BRIP1: variants seen among roughly 807,000 people sequenced by gnomAD.
BRIP1 encodes BRCA1 interacting DNA helicase 1.
A neutral mutation model predicts 119.7 loss-of-function variants in BRIP1; 88 were observed. The observed-to-expected ratio is 0.74, with a 90% CI of 0.62 to 0.88. The LOEUF is 0.88. Ranked by LOEUF, BRIP1 falls within the 40% of genes least tolerant of loss-of-function variation. The probability of loss-of-function intolerance (pLI) is 0.00; values close to 1 mark genes in which losing one functional copy is unlikely to be tolerated. For synonymous variants in BRIP1, 443 were observed against 496.5 expected, an observed-to-expected ratio of 0.89 and a Z score of 1.43; for missense variants, 1,259 against 1,455.4, an observed-to-expected ratio of 0.87 and a Z score of 2.20.
In BRIP1 at chr17:61,680,560, A is replaced by G. The variant is rs1356691106; in HGVS notation, c.*2736T>C. On this transcript the variant is annotated 3_prime_UTR_variant, in exon 20 of 20. Transcript: ENST00000259008. ...AGTGGCGCAATCTCGGCTCACTGCA[A>G]GCTCCACCTCCCGGGTTCACGCCAT... is the stretch of plus-strand genomic sequence containing the variant. Among the ~76,000 whole-genome samples, 1 of 143,890 alleles carries G rather than the reference A, an allele frequency of 6.9e-6. No individual in the cohort carries two copies. 94.4% of individuals were successfully genotyped at this position (143,890 alleles called of 152,430 possible). A position where few individuals can be genotyped will look rare whatever the true frequency, so the allele number is the denominator to read the frequency against.
In BRIP1 at chr17:61,859,898, C is replaced by A. The variant is rs373104267; in HGVS notation, c.103G>T (p.Gly35Ter). The A allele has an allele frequency of 6.2e-7, 1 of 1,605,764 alleles. No individual in the cohort carries two copies. Among genetic ancestry groups the A allele is most frequent in the Non-Finnish European group, 8.5e-7 (1 of 1,172,508 alleles). The change falls in exon 3 of 20, where the codon GGA becomes TGA. Residue 35 changes from glycine (G) to a stop codon, truncating the protein, a stop_gained. Transcript: ENST00000259008. LOFTEE classifies it high-confidence loss of function. ...AAACAATGTTGCTTGCTGTTTAATC[C>A]TCTGAGAATCTATGAACACAGAAAC... ...QLAMMNSILR[G>*]LNSKQHCLLE...
At chr17:61,727,779 TC>T (rs2076786658) in intron 16 of BRIP1, among the ~76,000 whole-genome samples, 1 of 147,056 alleles carries the variant, frequency 6.8e-6, no homozygotes, top group Admixed American at 6.8e-5. Flanking sequence ...TGTCTCTCTC[TC>T]TCTCTCTCTC....
At position 61,683,773 on chromosome 17, in the gene BRIP1, A is replaced by C. The variant is rs1281827397; in HGVS notation, c.3273T>G (p.His1091Gln). 6.2e-7 allele frequency: 1 copy of C among 1,614,084 alleles called. No individual in the cohort carries two copies. Among genetic ancestry groups the C allele is most frequent in the African/African-American group, 1.3e-5 (1 of 74,940 alleles). Residue 1091 changes from histidine to glutamine, a missense_variant, in exon 20 of 20, where the codon CAT (histidine) becomes CAG (glutamine). This residue lies in a region of BRIP1 where 753 missense variants were observed against 891.8 expected (regional missense o/e 0.84). Transcript: ENST00000259008. The surrounding 1 kb of genome is among the most constrained non-coding windows in gnomAD (Gnocchi z 4.7). ...ATLTRKNHSE[H>Q]PLCSEEALDP... Reference sequence around the variant, plus strand: ...CCAGGGCTTCTTCAGAACAGAGCGGATGTTCAGAATGATTTTTTCTAGTAA... The same window carrying C: ...CCAGGGCTTCTTCAGAACAGAGCGGCTGTTCAGAATGATTTTTTCTAGTAA...
At position 61,780,410 on chromosome 17, in the gene BRIP1, A is replaced by C. The variant is rs777006706; in HGVS notation, c.1795-9T>G. 24 of 1,602,960 alleles carry C rather than the reference A, an allele frequency of 1.5e-5. No homozygotes were observed. The highest frequency in any genetic ancestry group is 2.0e-5 in the Non-Finnish European group (23 of 1,170,080). On this transcript the variant is annotated splice_polypyrimidine_tract_variant and intron_variant, in intron 12 of 19. Coordinates refer to ENST00000259008, the MANE Select transcript of BRIP1 (RefSeq NM_032043.3). The surrounding 1 kb of genome is among the most constrained non-coding windows in gnomAD (Gnocchi z 5.4). ...TTAATATCTGAAAAGGCCTAAAAGAAAACAACATTAGATAAATAAAATTAT... is the reference window on the plus strand; with the variant it reads ...TTAATATCTGAAAAGGCCTAAAAGACAACAACATTAGATAAATAAAATTAT...
intron 16 of BRIP1, among the ~76,000 whole-genome samples, chr17:61,721,992 G>C (rs2061986981): frequency 1.3e-5 from 2 of 150,854 alleles, no homozygotes; most frequent in South Asian, 4.2e-4. Flanking sequence ...ACCTCCCAAA[G>C]TGCTGGGATT....
intron 17 of BRIP1, among the ~76,000 whole-genome samples, chr17:61,694,397 A>G (rs1032405527): frequency 1.3e-5 from 2 of 152,008 alleles, no homozygotes; most frequent in African/African-American, 4.8e-5. Context: ...TTCAAGATTC[A>G]CTCATATTGT....
At chr17:61,784,870 T>C (rs1036306953) in intron 10 of BRIP1, among the ~76,000 whole-genome samples, 1 of 152,208 alleles carries the variant, frequency 6.6e-6, no homozygotes, top group Non-Finnish European at 1.5e-5. Flanking sequence ...CCATGCTTCG[T>C]ACAAGCTGCA....
rs1006619365 is a variant in BRIP1, at chr17:61,752,807, CTTAAAA to C, written c.2098-8222_2098-8217del. On this transcript the variant is annotated intron_variant, in intron 14 of 19. Coordinates refer to ENST00000259008, the MANE Select transcript of BRIP1 (RefSeq NM_032043.3). This position sits in a 1 kb window ranked among gnomAD's most constrained non-coding sequence, Gnocchi z 6.2. ...GAAAAGTGAACAGATTATAAAAATA[CTTAAAA>C]TTAAAATGAGTAAGATATGGTGTTG... Among the ~76,000 whole-genome samples, 25 of 152,068 alleles carry C rather than the reference CTTAAAA, an allele frequency of 1.6e-4. No homozygotes were observed. Among genetic ancestry groups the C allele is most frequent in the African/African-American group, 5.3e-4 (22 of 41,410 alleles).
rs184689897 is a variant in BRIP1 at position 61,730,098 on chromosome 17, G to A, written c.2379+12915C>T. 2.4e-4 allele frequency among the ~76,000 whole-genome samples: 36 copies of A among 152,266 alleles called. No individual in the cohort carries two copies. Among genetic ancestry groups the A allele is most frequent in the Admixed American group, 4.6e-4 (7 of 15,296 alleles). Reference sequence around the variant, plus strand: ...TGTATAGCTTACTATAGTCACTGACGCACTGGGGTGATGTGTCCTACAGTT... The same window carrying A: ...TGTATAGCTTACTATAGTCACTGACACACTGGGGTGATGTGTCCTACAGTT... On this transcript the variant is annotated intron_variant, in intron 16 of 19. Transcript: ENST00000259008. The surrounding 1 kb of genome is among the most constrained non-coding windows in gnomAD (Gnocchi z 4.3).
At chr17:61,797,679 T>C (rs982883683) in intron 9 of BRIP1, among the ~76,000 whole-genome samples, 1 of 152,030 alleles carries the variant, frequency 6.6e-6, no homozygotes, top group African/African-American at 2.4e-5. Context: ...TTTACAACTC[T>C]TATTGCAGGC....
Position 61,739,406 on chromosome 17 carries a change from G to C in BRIP1, c.2379+3607C>G. On this transcript the variant is annotated intron_variant, in intron 16 of 19. Coordinates refer to ENST00000259008, the MANE Select transcript of BRIP1 (RefSeq NM_032043.3). The surrounding 1 kb of genome is among the most constrained non-coding windows in gnomAD (Gnocchi z 6.0). ...ATTAGTGCCCTCAGCAGTAGCACTG[G>C]TTAACTGGAGAAAGGTAGTAGAAAC... The C allele has an allele frequency of 5.3e-6, 1 of 186,988 alleles. No individual in the cohort carries two copies. Among genetic ancestry groups the C allele is most frequent in the Non-Finnish European group, 1.1e-5 (1 of 88,394 alleles). 11.6% of individuals were successfully genotyped at this position (186,988 alleles called of 1,614,324 possible). A position where few individuals can be genotyped will look rare whatever the true frequency, so the allele number is the denominator to read the frequency against.
rs2061283664 is a variant in BRIP1 at position 61,682,524 on chromosome 17, TCTTA to T, written c.*768_*771del. On this transcript the variant is annotated 3_prime_UTR_variant, in exon 20 of 20. Transcript: ENST00000259008. This position sits in a 1 kb window ranked among gnomAD's most constrained non-coding sequence, Gnocchi z 4.9. ...TTTCAATTAAAAATGCATACTACTT[TCTTA>T]ATTTCTCTTAATTACTTATAAGTAG... The T allele has an allele frequency of 5.1e-6, 1 of 196,746 alleles. No individual in the cohort carries two copies. The highest frequency in any genetic ancestry group is 1.1e-5 in the Non-Finnish European group (1 of 94,972). The allele number at this position is 196,746 out of a possible 1,614,324, so 12.2% of individuals were successfully genotyped here. A position where few individuals can be genotyped will look rare whatever the true frequency, so the allele number is the denominator to read the frequency against.
At position 61,810,089 on chromosome 17, in the gene BRIP1, A is replaced by C. The variant is rs569934299; in HGVS notation, c.628-1332T>G. ...TGCCAAATAAACAGTCAGTCAAAGCAGATAAAGTTACAGCCATGCTGGAAT... is the reference window on the plus strand; with the variant it reads ...TGCCAAATAAACAGTCAGTCAAAGCCGATAAAGTTACAGCCATGCTGGAAT... On this transcript the variant is annotated intron_variant, in intron 6 of 19. Coordinates refer to ENST00000259008, the MANE Select transcript of BRIP1 (RefSeq NM_032043.3). This position sits in a 1 kb window ranked among gnomAD's most constrained non-coding sequence, Gnocchi z 4.7. 5.3e-5 allele frequency among the ~76,000 whole-genome samples: 8 copies of C among 152,362 alleles called. No homozygotes were observed. The highest frequency in any genetic ancestry group is 1.9e-4 in the African/African-American group (8 of 41,598).
chr17:61,790,124 T>C lies in BRIP1; in HGVS notation c.1473+3473A>G, dbSNP rs73991948. Among the ~76,000 whole-genome samples the C allele has an allele frequency of 3.9e-3, 594 of 152,322 alleles. 4 individuals are homozygous for C. The highest frequency in any genetic ancestry group is 0.013 in the African/African-American group (554 of 41,584). On this transcript the variant is annotated intron_variant, in intron 10 of 19. Coordinates refer to ENST00000259008, the MANE Select transcript of BRIP1 (RefSeq NM_032043.3). ...GCCCAAACTGCTTCAAACCCCCACATAGTTGTAACCAGTACTTCAACTTCT... is the reference window on the plus strand; with the variant it reads ...GCCCAAACTGCTTCAAACCCCCACACAGTTGTAACCAGTACTTCAACTTCT...
chr17:61,688,622 A>C (rs2061396152), intron 18 of BRIP1, among the ~76,000 whole-genome samples: 1 of 152,178 alleles, frequency 6.6e-6, no homozygotes, highest in Non-Finnish European at 1.5e-5. Context: ...GTACAAAACC[A>C]GTTAGTAAAC....
In BRIP1 at chr17:61,784,413, A is replaced by C. The variant is rs370658123; in HGVS notation, c.1485T>G (p.Ser495=). The C allele has an allele frequency of 5.0e-6, 8 of 1,613,058 alleles. No homozygotes were observed. The highest frequency in any genetic ancestry group is 1.3e-5 in the African/African-American group (1 of 75,022). ...TTTTTTCCTCTTTTTGAAGAACAGC[A>C]GAAAAATGTCCCTATAAGAAATTAC... ...ATFPILQGHF[S]AVLQKEEKIS... Residue 495 remains serine, a synonymous_variant, in exon 11 of 20, where the codon TCT becomes TCG. Coordinates refer to ENST00000259008, the MANE Select transcript of BRIP1 (RefSeq NM_032043.3).
chr17:61,741,953 G>T (rs1042065602), intron 16 of BRIP1, among the ~76,000 whole-genome samples: 2 of 152,220 alleles, frequency 1.3e-5, no homozygotes, highest in African/African-American at 4.8e-5. Flanking sequence ...CTCTAGCTAT[G>T]AATGTCCTAG....
chr17:61,715,993 T>C lies in BRIP1; in HGVS notation c.2450A>G (p.Tyr817Cys), dbSNP rs1555580828. The C allele has an allele frequency of 6.2e-7, 1 of 1,609,190 alleles. No individual in the cohort carries two copies. Among genetic ancestry groups the C allele is most frequent in the Non-Finnish European group, 8.5e-7 (1 of 1,177,274 alleles). The change falls in exon 17 of 20, where the codon TAT becomes TGT. Residue 817 changes from tyrosine (Y) to cysteine (C), a missense_variant. This residue lies in a region of BRIP1 where 753 missense variants were observed against 891.8 expected (regional missense o/e 0.84). Coordinates refer to ENST00000259008, the MANE Select transcript of BRIP1 (RefSeq NM_032043.3). ...LRGLLPGRQW[Y>C]EIQAYRALNQ... ...TAAGGCCCTGTATGCTTGAATTTCA[T>C]ACCACTGACGGCCAGGTAGAAGACC... is the stretch of plus-strand genomic sequence containing the variant.
rs2061408097 is a variant in BRIP1 at position 61,689,106 on chromosome 17, C to A, written c.2576-2941G>T. On this transcript the variant is annotated intron_variant, in intron 18 of 19. Transcript: ENST00000259008. This position sits in a 1 kb window ranked among gnomAD's most constrained non-coding sequence, Gnocchi z 4.5. The stretch of plus-strand genomic sequence containing the variant: ...TCGCCCAGGCTGGAGTGCAGTGGCG[C>A]CATCTCGGCTCACTGAAACCTCCGC... Among the ~76,000 whole-genome samples the A allele has an allele frequency of 6.8e-6, 1 of 147,380 alleles. No homozygotes were observed. Among genetic ancestry groups the A allele is most frequent in the Non-Finnish European group, 1.5e-5 (1 of 66,870 alleles).
Sources: allele counts gnomAD v4.1 joint callset (sites outside exome capture counted in the v4.1 genomes callset), GRCh38; gene constraint gnomAD v4.1.1; regional missense constraint gnomAD v4.1.1; non-coding constraint Gnocchi (gnomAD v3.1); transcripts MANE v1.5; gene names NCBI Gene and HGNC (gene_info 2026-07-23, HGNC 2026-07-21).